Variants in TTLL5 observed in about 807,000 individuals in gnomAD.
TTLL5 encodes tubulin polyglutamylase TTLL5.
TTLL5 carries 132 observed loss-of-function variants against 168.4 expected under a neutral mutation model. That is an observed-to-expected ratio of 0.78 (90% CI 0.68 to 0.91). The LOEUF (loss-of-function observed/expected upper bound fraction) is 0.91, where lower values mean the gene tolerates loss of function less well. TTLL5 is among the 40% of genes least tolerant of loss of function. The probability of loss-of-function intolerance (pLI) is 0.00; values close to 1 mark genes in which losing one functional copy is unlikely to be tolerated. For missense variants in TTLL5, 1,545 were observed against 1,581.5 expected (o/e 0.98, Z 0.39); for synonymous variants, 546 against 558.6 (o/e 0.98, Z 0.32).
intron 27 of TTLL5, 37 bp from the exon 28 acceptor site, chr14:75,819,970 C>T: frequency 1.3e-5 from 21 of 1,564,774 alleles, no homozygotes; most frequent in Non-Finnish European, 1.8e-5. Flanking sequence ...TTTAAAAACT[C>T]TGTAAAGTCA....
At chr14:75,685,375 CAAA>C (rs34567697) in intron 5 of TTLL5, among the ~76,000 whole-genome samples, 1 of 68,640 alleles carries the variant, frequency 1.5e-5, no homozygotes, top group African/African-American at 5.3e-5. Flanking sequence ...GACTCTGTCT[CAAA>C]AAAAAAAAAA....
At chr14:75,838,122 C>G (rs886447293) in intron 28 of TTLL5, 2 of 152,082 alleles carry the variant, frequency 1.3e-5, no homozygotes, top group African/African-American at 4.8e-5. Context: ...AAAAGCACTA[C>G]ATGGTAGCCA....
intron 30 of TTLL5, among the ~76,000 whole-genome samples, chr14:75,893,817 C>CAAAAAAAA (rs61332109): frequency 1.4e-5 from 1 of 71,596 alleles, no homozygotes. Context: ...GACTCCATCT[C>CAAAAAAAA]AAAAAAAAAA....
intron 17 of TTLL5, among the ~76,000 whole-genome samples, chr14:75,747,303 TTTCC>T (rs1889677665): frequency 6.6e-6 from 1 of 152,134 alleles, no homozygotes; most frequent in African/African-American, 2.4e-5. Flanking sequence ...ATGTTCATGA[TTTCC>T]TTTACATTTT....
intron 7 of TTLL5, among the ~76,000 whole-genome samples, chr14:75,701,353 C>T (rs1363057443): frequency 6.6e-6 from 1 of 152,092 alleles, no homozygotes; most frequent in African/African-American, 2.4e-5. Context: ...ACATGTTGGA[C>T]CATATTTATG....
At chr14:75,876,730 C>T (rs2031508222) in intron 29 of TTLL5, among the ~76,000 whole-genome samples, 2 of 152,206 alleles carry the variant, frequency 1.3e-5, no homozygotes, top group South Asian at 4.1e-4. Flanking sequence ...CCGACAAACA[C>T]TGTGAATGGA....
intron 9 of TTLL5, among the ~76,000 whole-genome samples, chr14:75,708,741 A>G (rs1467987809): frequency 6.6e-6 from 1 of 152,174 alleles, no homozygotes; most frequent in East Asian, 1.9e-4. Context: ...TTGTTTTTGT[A>G]AACCCTTTAA....
At chr14:75,912,526 T>C (rs1242555661) in intron 31 of TTLL5, among the ~76,000 whole-genome samples, 1 of 152,130 alleles carries the variant, frequency 6.6e-6, no homozygotes, top group Non-Finnish European at 1.5e-5. Context: ...AAAAACAAGA[T>C]AATTCCAAGT....
chr14:75,855,019 G>A (rs1439382693), intron 28 of TTLL5, among the ~76,000 whole-genome samples: 1 of 151,880 alleles, frequency 6.6e-6, no homozygotes, highest in Non-Finnish European at 1.5e-5. Context: ...CTTGATCATG[G>A]TAGTTTTATA....
At chr14:75,792,677 A>G (rs190284500) in intron 26 of TTLL5, among the ~76,000 whole-genome samples, 12 of 152,330 alleles carry the variant, frequency 7.9e-5, no homozygotes, top group African/African-American at 2.9e-4. Context: ...TGAAGCTTTC[A>G]TTATAAGCAA....
At chr14:75,915,934 C>T (rs949831975) in intron 31 of TTLL5, among the ~76,000 whole-genome samples, 1 of 152,106 alleles carries the variant, frequency 6.6e-6, no homozygotes, top group African/African-American at 2.4e-5. Flanking sequence ...TCAAGACCAA[C>T]CTGGGCAACA....
intron 13 of TTLL5, 108 bp from the exon 14 acceptor site, chr14:75,733,881 C>G: frequency 3.0e-6 from 3 of 996,692 alleles, no homozygotes; most frequent in Non-Finnish European, 4.6e-6. Flanking sequence ...TTATGTGTTG[C>G]TCTTCATTGA....
At position 75,902,406 on chromosome 14, in the gene TTLL5, A is replaced by T; in HGVS notation, c.3823+182A>T. 4.2e-6 allele frequency: 3 copies of T among 706,640 alleles called. No individual in the cohort carries two copies. In the South Asian group the frequency reaches 4.9e-5, roughly 12 times the overall value. The allele number at this position is 706,640 out of a possible 1,614,324, so 43.8% of individuals were successfully genotyped here. On this transcript the variant is annotated intron_variant, in intron 31 of 31. Coordinates refer to ENST00000298832, the MANE Select transcript of TTLL5 (RefSeq NM_015072.5). ...TCTTTAAAATAGTCTTGGCAGCCTAAAATAGGCATTTTCTGGAACTAGCTT... is the reference window on the plus strand; with the variant it reads ...TCTTTAAAATAGTCTTGGCAGCCTATAATAGGCATTTTCTGGAACTAGCTT...
chr14:75,880,582 C>G (rs2031753157), intron 29 of TTLL5, among the ~76,000 whole-genome samples: 2 of 152,192 alleles, frequency 1.3e-5, no homozygotes, highest in Non-Finnish European at 2.9e-5. Flanking sequence ...ACTCCTTACA[C>G]CTAACCTCAA....
intron 20 of TTLL5, 22 bp from the exon 21 acceptor site, chr14:75,771,712 A>C (rs1566596867): frequency 6.2e-7 from 1 of 1,612,932 alleles, no homozygotes; most frequent in Non-Finnish European, 8.5e-7. Context: ...ACATAACGGT[A>C]TGTTGTTTTG....
intron 30 of TTLL5, among the ~76,000 whole-genome samples, chr14:75,898,810 T>C (rs965989628): frequency 5.9e-5 from 9 of 152,248 alleles, no homozygotes; most frequent in Non-Finnish European, 1.0e-4. Context: ...CAATCTCAAA[T>C]GTGGCGTCTC....
At chr14:75,706,979 T>G in intron 7 of TTLL5, 39 bp from the exon 8 acceptor site, 11 of 1,472,252 alleles carry the variant, frequency 7.5e-6, no homozygotes, top group Non-Finnish European at 9.5e-6. Context: ...AGGATTCCTG[T>G]GTATTTCTAT....
chr14:75,695,657 C>T (rs569530517), intron 6 of TTLL5, among the ~76,000 whole-genome samples: 273 of 152,138 alleles, frequency 1.8e-3, no homozygotes, highest in African/African-American at 5.9e-3. Flanking sequence ...TCAGACCGGC[C>T]AACACTTAGG....
intron 14 of TTLL5, 128 bp from the exon 15 acceptor site, chr14:75,735,067 C>G: frequency 1.3e-6 from 1 of 797,340 alleles, no homozygotes; most frequent in Non-Finnish European, 2.1e-6. Context: ...GCATTATGCT[C>G]CTGAGGATAG....
Sources: allele counts gnomAD v4.1 joint callset (sites outside exome capture counted in the v4.1 genomes callset), GRCh38; gene constraint gnomAD v4.1.1; transcripts MANE v1.5; gene names NCBI Gene and HGNC (gene_info 2026-07-23, HGNC 2026-07-21).